The following SYNPR variants were observed in gnomAD, a reference collection of about 807,000 sequenced individuals.
The protein encoded by SYNPR is synaptoporin.
SYNPR carries 23 observed loss-of-function variants against 32.9 expected under a neutral mutation model. The observed-to-expected ratio is 0.70, with a 90% CI of 0.50 to 0.99. The LOEUF (loss-of-function observed/expected upper bound fraction) is 0.99. Among genes scored for constraint, SYNPR ranks in the 50% least tolerant of loss-of-function variants. The pLI is 0.00. For synonymous variants in SYNPR, 146 were observed against 135.9 expected, an observed-to-expected ratio of 1.07 and a Z score of -0.52; for missense variants, 318 against 349.3, an observed-to-expected ratio of 0.91 and a Z score of 0.71.
chr3:63,587,250 C>A (rs752148071), intron 4 of SYNPR, among the ~76,000 whole-genome samples: 26 of 152,100 alleles, frequency 1.7e-4, no homozygotes, highest in Non-Finnish European at 3.4e-4. Flanking sequence ...ATTAATGCAA[C>A]AGCTAAAATA....
chr3:63,267,578 C>T (rs1481566156), intron 3 of SYNPR: 2 of 152,186 alleles, frequency 1.3e-5, no homozygotes, highest in African/African-American at 4.8e-5. Flanking sequence ...TCCACCACCC[C>T]TTCTTTATTC....
intron 3 of SYNPR, among the ~76,000 whole-genome samples, chr3:63,506,903 C>T (rs1361400778): frequency 6.6e-6 from 1 of 152,108 alleles, no homozygotes; most frequent in African/African-American, 2.4e-5. Flanking sequence ...ACCAAATAGA[C>T]TGCAGACTCA....
chr3:63,371,264 G>A (rs550693687), intron 2 of SYNPR, among the ~76,000 whole-genome samples: 117 of 152,078 alleles, frequency 7.7e-4, no homozygotes, highest in African/African-American at 2.6e-3. Flanking sequence ...GACTGACACC[G>A]AGAGCTCTGT....
At chr3:63,384,814 T>C (rs1456011779) in intron 2 of SYNPR, among the ~76,000 whole-genome samples, 2 of 152,172 alleles carry the variant, frequency 1.3e-5, no homozygotes, top group Non-Finnish European at 2.9e-5. Context: ...TTTTAAAAGA[T>C]AAAAACTGGG....
chr3:63,210,981 G>A, the SYNPR span, among the ~76,000 whole-genome samples: 27 of 152,154 alleles, frequency 1.8e-4, no homozygotes, highest in East Asian at 2.5e-3. Flanking sequence ...ACAAATAAAC[G>A]CTTGCTGCCA....
chr3:63,317,736 G>A (rs1482703376), intron 2 of SYNPR, among the ~76,000 whole-genome samples: 1 of 152,004 alleles, frequency 6.6e-6, no homozygotes, highest in Non-Finnish European at 1.5e-5. Context: ...TTCAACGGTA[G>A]TATTGAAATG....
At chr3:63,521,291 A>G (rs1275169430) in intron 3 of SYNPR, among the ~76,000 whole-genome samples, 3 of 152,266 alleles carry the variant, frequency 2.0e-5, no homozygotes, top group Middle Eastern at 3.4e-3. Context: ...GGTAAATATA[A>G]TAAGTGACCT....
At chr3:63,582,567 A>C (rs904422253) in intron 4 of SYNPR, among the ~76,000 whole-genome samples, 2 of 152,124 alleles carry the variant, frequency 1.3e-5, no homozygotes, top group Non-Finnish European at 2.9e-5. Flanking sequence ...CAATTAGGAA[A>C]AAAGAGAAAA....
Position 63,272,261 on chromosome 3 carries a change from C to T in SYNPR, n.287+4812C>T, listed in dbSNP as rs374370576. On this transcript the variant is annotated intron_variant and non_coding_transcript_variant, in intron 3 of 4. Transcript: ENST00000478456. ...TGGAGTTGGTAAAAATTATTACCTC[C>T]GTTTTACAGATAAGGAAACTGAACG... Among the ~76,000 whole-genome samples, 13 of 152,210 alleles carry T rather than the reference C, an allele frequency of 8.5e-5. No individual in the cohort carries two copies. In the South Asian group the frequency reaches 1.5e-3, roughly 17 times the overall value.
intron 3 of SYNPR, among the ~76,000 whole-genome samples, chr3:63,490,172 C>T (rs1701232959): frequency 6.6e-6 from 1 of 151,892 alleles, no homozygotes; most frequent in Non-Finnish European, 1.5e-5. Flanking sequence ...GGGGTATATT[C>T]CAGGGAGAGC....
chr3:63,222,612 G>A, the SYNPR span, among the ~76,000 whole-genome samples: 1 of 152,086 alleles, frequency 6.6e-6, no homozygotes, highest in Non-Finnish European at 1.5e-5. Context: ...CGCCTCCCAG[G>A]TTTAAATGAT....
chr3:63,296,591 A>T (rs1314016387), intron 2 of SYNPR, among the ~76,000 whole-genome samples: 2 of 152,208 alleles, frequency 1.3e-5, no homozygotes, highest in Non-Finnish European at 2.9e-5. Flanking sequence ...TCTAGGAAGC[A>T]TAAAAACATT....
chr3:63,363,117 G>C (rs2087682965), intron 2 of SYNPR, among the ~76,000 whole-genome samples: 1 of 152,034 alleles, frequency 6.6e-6, no homozygotes, highest in Non-Finnish European at 1.5e-5. Flanking sequence ...CTTACTATTG[G>C]AAGCCAGCAT....
At chr3:63,375,515 GA>G (rs1189572074) in intron 2 of SYNPR, among the ~76,000 whole-genome samples, 1 of 152,106 alleles carries the variant, frequency 6.6e-6, no homozygotes, top group Non-Finnish European at 1.5e-5. Flanking sequence ...GGTGGGAACT[GA>G]AGAATGAGAA....
At chr3:63,436,000 A>T (rs779320558) in intron 2 of SYNPR, among the ~76,000 whole-genome samples, 1 of 152,166 alleles carries the variant, frequency 6.6e-6, no homozygotes, top group Non-Finnish European at 1.5e-5. Context: ...CTGTTTCACC[A>T]CTGTATCCAC....
intron 2 of SYNPR, among the ~76,000 whole-genome samples, chr3:63,286,484 C>G (rs975386746): frequency 4.6e-5 from 7 of 152,150 alleles, no homozygotes; most frequent in African/African-American, 1.7e-4. Context: ...GGGTGTTCCC[C>G]CATAGAAACT....
At chr3:63,255,636 T>C (rs923787625) in intron 2 of SYNPR, among the ~76,000 whole-genome samples, 2 of 152,066 alleles carry the variant, frequency 1.3e-5, no homozygotes, top group Admixed American at 6.5e-5. Flanking sequence ...GATGGCCAAA[T>C]AGGAACAGCT....
In SYNPR at chr3:63,443,516, G is replaced by A. The variant is rs1284054447; in HGVS notation, c.85-37316G>A. 3 of 1,589,254 alleles carry A rather than the reference G, an allele frequency of 1.9e-6. No individual in the cohort carries two copies. The South Asian group carries it at 3.4e-5, about 18-fold the overall frequency. ...TTTACAGCTGGCTGTGGGGATATGT[G>A]TGTGCATGTATGTGTCTCCATAGGC... On this transcript the variant is annotated intron_variant, in intron 2 of 5. Transcript: ENST00000478300.
At chr3:63,303,181 G>T (rs2086875018) in intron 2 of SYNPR, among the ~76,000 whole-genome samples, 1 of 149,826 alleles carries the variant, frequency 6.7e-6, no homozygotes, top group Admixed American at 6.6e-5. Flanking sequence ...TGAACTCAGG[G>T]TAAAAAAAAA....
Sources: gnomAD v4.1 joint callset for allele counts (sites outside exome capture counted in the v4.1 genomes callset) on GRCh38, gnomAD v4.1.1 for gene constraint, MANE v1.5 for transcripts, NCBI Gene and HGNC (gene_info 2026-07-23, HGNC 2026-07-21) for gene names.